Variants in UBQLN4 observed in about 807,000 individuals in gnomAD.
The protein encoded by UBQLN4 is ubiquilin-4.
UBQLN4 carries 11 observed loss-of-function variants against 60.4 expected under a neutral mutation model. The ratio of observed to expected loss-of-function variants is 0.18; its 90% CI spans 0.11 to 0.30. UBQLN4 has a LOEUF of 0.30. Among genes scored for constraint, UBQLN4 ranks in the 10% least tolerant of loss-of-function variants. The pLI is 1.00. For missense variants in UBQLN4, 417 were observed against 795.5 expected (o/e 0.52, Z 5.72); for synonymous variants, 258 against 313.1 (o/e 0.82, Z 1.86).
chr1:156,046,832 ACT>A (rs1413127879), intron 5 of UBQLN4, among the ~76,000 whole-genome samples: 1 of 152,162 alleles, frequency 6.6e-6, no homozygotes, highest in Non-Finnish European at 1.5e-5. Flanking sequence ...AAACAGTGAG[ACT>A]CTGTCTCAAA....
intron 1 of UBQLN4, among the ~76,000 whole-genome samples, chr1:156,052,601 G>A (rs1459055683): frequency 6.6e-6 from 1 of 152,162 alleles, no homozygotes; most frequent in East Asian, 1.9e-4. Flanking sequence ...TGGGATTACA[G>A]GTGTGAGCCA....
intron 2 of UBQLN4, 83 bp from the exon 3 acceptor site, chr1:156,051,410 G>A (rs1683867534): frequency 2.0e-6 from 3 of 1,497,010 alleles, no homozygotes; most frequent in African/African-American, 1.4e-5. Flanking sequence ...CTTGCTATGG[G>A]ACAACTATTT....
rs1683880653 is a variant in UBQLN4 at position 156,051,872 on chromosome 1, C to A, written c.109-15G>T. On this transcript the variant is annotated splice_polypyrimidine_tract_variant and intron_variant, in intron 1 of 10. Coordinates refer to ENST00000368309, the MANE Select transcript of UBQLN4 (RefSeq NM_020131.5). ...TCCTCTTTGAACTGTGATCAAGAGG[C>A]AGAGGTCACTGTGGAGGCTGCCTGG... 1 of 1,613,656 alleles carries A rather than the reference C, an allele frequency of 6.2e-7. No homozygotes were observed. The highest frequency in any genetic ancestry group is 8.5e-7 in the Non-Finnish European group (1 of 1,179,730).
In UBQLN4 at chr1:156,035,512, C is replaced by T. The variant is rs994424795; in HGVS notation, c.*1466G>A. On this transcript the variant is annotated 3_prime_UTR_variant, in exon 11 of 11. Coordinates refer to ENST00000368309, the MANE Select transcript of UBQLN4 (RefSeq NM_020131.5). ...AGGAGAGGGAAGAGGTGATATGAGC[C>T]TCCTCTGTGCTCTGACAGAGAAATG... 9.1e-6 allele frequency: 9 copies of T among 985,344 alleles called. No homozygotes were observed. In the African/African-American group the frequency reaches 1.6e-4, roughly 17 times the overall value. The allele number at this position is 985,344 out of a possible 1,614,324, so 61.0% of individuals were successfully genotyped here.
chr1:156,049,446 T>A (rs1210837002), intron 4 of UBQLN4, among the ~76,000 whole-genome samples: 2 of 152,088 alleles, frequency 1.3e-5, no homozygotes, highest in East Asian at 3.9e-4. Context: ...CCGGGGGAGT[T>A]CATCACAGAA....
Position 156,040,727 on chromosome 1 carries a change from C to T in UBQLN4, c.1653+758G>A, listed in dbSNP as rs544018181. On this transcript the variant is annotated intron_variant, in intron 10 of 10. Transcript: ENST00000368309. ...TCAGCCTCCCAAAGTGCTGGGATTA[C>T]AGGCGTGAGCCACCGCGCCCAGCCA... Among the ~76,000 whole-genome samples, 5 of 152,288 alleles carry T rather than the reference C, an allele frequency of 3.3e-5. No homozygotes were observed. The East Asian group carries it at 7.7e-4, about 24-fold the overall frequency.
chr1:156,042,702 G>T, intron 7 of UBQLN4, 72 bp downstream of exon 7: 1 of 1,577,150 alleles, frequency 6.3e-7, no homozygotes, highest in South Asian at 1.2e-5. Context: ...ACAGTGTTTT[G>T]ACCACAAGAA....
intron 10 of UBQLN4, among the ~76,000 whole-genome samples, chr1:156,038,663 A>G (rs1455917221): frequency 1.3e-5 from 2 of 152,178 alleles, no homozygotes; most frequent in African/African-American, 4.8e-5. Flanking sequence ...TCTCAAAAAA[A>G]TAAAAATAAA....
At chr1:156,053,563 C>G in intron 1 of UBQLN4, 31 bp downstream of exon 1, 3 of 1,179,346 alleles carry the variant, frequency 2.5e-6, no homozygotes, top group Non-Finnish European at 3.3e-6. Flanking sequence ...CCCTCCTCCG[C>G]GCTCCCCCCG....
chr1:156,040,076 TAAGGCCCCC>T (rs1683514360), intron 10 of UBQLN4, among the ~76,000 whole-genome samples: 1 of 151,266 alleles, frequency 6.6e-6, no homozygotes, highest in Non-Finnish European at 1.5e-5. Context: ...AGTCAGTCAC[TAAGGCCCCC>T]TGACTTGCAG....
intron 6 of UBQLN4, 131 bp from the exon 7 acceptor site, chr1:156,043,044 A>C (rs1248176480): frequency 8.0e-7 from 1 of 1,252,064 alleles, no homozygotes; most frequent in Non-Finnish European, 1.1e-6. Flanking sequence ...TCCAGTGGGC[A>C]CCCTAGGATT....
At chr1:156,046,514 CA>C (rs1683707539) in intron 5 of UBQLN4, among the ~76,000 whole-genome samples, 1 of 143,788 alleles carries the variant, frequency 7.0e-6, no homozygotes, top group Admixed American at 7.1e-5. Context: ...CAAAACAAAC[CA>C]AAAACACAAA....
At chr1:156,037,420 C>A (rs1031467962) in intron 10 of UBQLN4, among the ~76,000 whole-genome samples, 32 of 152,118 alleles carry the variant, frequency 2.1e-4, no homozygotes, top group Admixed American at 1.8e-3. Flanking sequence ...ACGGCGAAAC[C>A]CCATCTCTAC....
intron 10 of UBQLN4, among the ~76,000 whole-genome samples, chr1:156,038,208 T>G (rs1197689460): frequency 7.0e-6 from 1 of 143,790 alleles, no homozygotes; most frequent in African/African-American, 2.6e-5. Flanking sequence ...AAACCCCATG[T>G]CTACTAAAAA....
chr1:156,041,999 T>A lies in UBQLN4; in HGVS notation c.1351-12A>T, dbSNP rs555494085. The A allele has an allele frequency of 1.2e-6, 2 of 1,613,842 alleles. No homozygotes were observed. The highest frequency in any genetic ancestry group is 1.7e-6 in the Non-Finnish European group (2 of 1,179,958). ...TCTGGGTTCTGCATCTGGTGGGAAA[T>A]AAGCAGAGAAAGGCATCAAGAGGTG... is the stretch of plus-strand genomic sequence containing the variant. On this transcript the variant is annotated splice_polypyrimidine_tract_variant and intron_variant, in intron 8 of 10. Coordinates refer to ENST00000368309, the MANE Select transcript of UBQLN4 (RefSeq NM_020131.5).
chr1:156,046,057 G>A (rs1336729372), intron 5 of UBQLN4, among the ~76,000 whole-genome samples: 4 of 151,748 alleles, frequency 2.6e-5, no homozygotes, highest in African/African-American at 9.7e-5. Context: ...TGTTGGCCAG[G>A]CTGGTCTCAA....
chr1:156,040,260 G>A (rs1277143561), intron 10 of UBQLN4, among the ~76,000 whole-genome samples: 2 of 151,772 alleles, frequency 1.3e-5, no homozygotes, highest in Admixed American at 1.3e-4. Context: ...GCCGGGTGTG[G>A]TGGCGCGTGC....
chr1:156,033,167 A>G (rs1683323774), downstream of UBQLN4: 2 of 976,750 alleles, frequency 2.0e-6, no homozygotes, highest in East Asian at 1.1e-4. Flanking sequence ...CAGTGGAGGA[A>G]AACAAGGCAT....
intron 7 of UBQLN4, 162 bp downstream of exon 7, chr1:156,042,612 T>G: frequency 2.5e-6 from 3 of 1,177,050 alleles, no homozygotes; most frequent in Admixed American, 2.9e-5. Context: ...ATAAAGAAAC[T>G]GGGAGGCTAA....
Sources: gnomAD v4.1 joint callset for allele counts (sites outside exome capture counted in the v4.1 genomes callset) on GRCh38, gnomAD v4.1.1 for gene constraint, MANE v1.5 for transcripts, NCBI Gene and HGNC (gene_info 2026-07-23, HGNC 2026-07-21) for gene names.